Variants in CILK1 observed in about 807,000 individuals in gnomAD.
CILK1 encodes the protein ciliogenesis associated kinase 1.
CILK1 carries 47 observed loss-of-function variants against 79.2 expected under a neutral mutation model. The observed-to-expected ratio is 0.59, with a 90% CI of 0.47 to 0.76. CILK1 has a LOEUF of 0.76. CILK1 is among the 30% of genes least tolerant of loss of function. The pLI is 0.00. For synonymous variants in CILK1, 266 were observed against 275.9 expected (o/e 0.96, Z 0.36); for missense variants, 660 against 769.5 (o/e 0.86, Z 1.68).
At chr6:53,047,259 C>T (rs920053288) in intron 1 of CILK1, among the ~76,000 whole-genome samples, 17 of 151,802 alleles carry the variant, frequency 1.1e-4, no homozygotes, top group Admixed American at 6.6e-5. Context: ...TAGGGTGGGC[C>T]CAATTATGAA....
intron 1 of CILK1, among the ~76,000 whole-genome samples, chr6:53,056,863 C>G (rs1767918084): frequency 6.6e-6 from 1 of 152,202 alleles, no homozygotes; most frequent in Non-Finnish European, 1.5e-5. Context: ...TCCCGTCACG[C>G]CCCACTTCTT....
At chr6:53,025,776 G>C (rs1388062611) in intron 5 of CILK1, among the ~76,000 whole-genome samples, 1 of 152,168 alleles carries the variant, frequency 6.6e-6, no homozygotes, top group Non-Finnish European at 1.5e-5. Flanking sequence ...TAACAAATTT[G>C]TGAATATATC....
intron 1 of CILK1, among the ~76,000 whole-genome samples, chr6:53,046,947 G>A (rs1767117664): frequency 6.6e-6 from 1 of 152,212 alleles, no homozygotes; most frequent in Non-Finnish European, 1.5e-5. Flanking sequence ...AGGAGAGAAA[G>A]AAATTATAAG....
At chr6:53,052,600 G>A (rs1767558764) in intron 1 of CILK1, among the ~76,000 whole-genome samples, 1 of 151,940 alleles carries the variant, frequency 6.6e-6, no homozygotes, top group South Asian at 2.1e-4. Context: ...GCGTGGTGGT[G>A]TATGCCTGTA....
At chr6:53,025,110 G>A (rs1049873298) in intron 5 of CILK1, among the ~76,000 whole-genome samples, 6 of 152,160 alleles carry the variant, frequency 3.9e-5, no homozygotes, top group Non-Finnish European at 8.8e-5. Context: ...TAGGATTACA[G>A]GCGTGAGCCA....
At chr6:53,006,649 G>A (rs1382323784) in intron 12 of CILK1, among the ~76,000 whole-genome samples, 1 of 152,228 alleles carries the variant, frequency 6.6e-6, no homozygotes, top group Non-Finnish European at 1.5e-5. Context: ...CTGCTCCTGT[G>A]AGGGGCAACC....
chr6:53,049,826 T>G (rs1382306139), intron 1 of CILK1, among the ~76,000 whole-genome samples: 1 of 152,084 alleles, frequency 6.6e-6, no homozygotes, highest in Non-Finnish European at 1.5e-5. Flanking sequence ...GCTCAGACAA[T>G]CCTCCCACCT....
At chr6:53,041,931 A>G (rs1161740252) in intron 1 of CILK1, among the ~76,000 whole-genome samples, 1 of 152,022 alleles carries the variant, frequency 6.6e-6, no homozygotes, top group Non-Finnish European at 1.5e-5. Context: ...TCTTTCTTAA[A>G]TGTATTTATA....
rs765703312 is a variant in CILK1 at position 53,041,229 on chromosome 6, C to G, written c.8G>C (p.Arg3Thr). The G allele has an allele frequency of 1.9e-6, 3 of 1,612,770 alleles. No individual in the cohort carries two copies. The South Asian group carries it at 3.3e-5, about 18-fold the overall frequency. ...CCCGAGCTGCCTGATTGTTGTGTAT[C>G]TATTCATGGTGTGCCTGCTCAGGCC... MNRYTTIRQLGDG... is the reference protein window; with the variant it reads MNTYTTIRQLGDG... The change falls in exon 2 of 14, where the codon AGA (arginine) becomes ACA (threonine). Residue 3 changes from arginine (R) to threonine (T), a missense_variant. Coordinates refer to ENST00000676107, the MANE Select transcript of CILK1 (RefSeq NM_014920.5).
chr6:53,047,929 C>T (rs991787156), intron 1 of CILK1, among the ~76,000 whole-genome samples: 1 of 151,790 alleles, frequency 6.6e-6, no homozygotes, highest in Admixed American at 6.6e-5. Flanking sequence ...ATGTACAAAA[C>T]CTCTCACTGG....
At chr6:53,005,356 A>G in intron 13 of CILK1, 53 bp from the exon 14 acceptor site, 1 of 1,593,758 alleles carries the variant, frequency 6.3e-7, no homozygotes, top group Non-Finnish European at 8.6e-7. Context: ...ATGTAAGCAA[A>G]GTACAAATAA....
At position 53,037,527 on chromosome 6, in the gene CILK1, C is replaced by T. The variant is rs556084706; in HGVS notation, c.156+412G>A. On this transcript the variant is annotated intron_variant, in intron 3 of 13. Transcript: ENST00000676107. ...GTAAGTCTGTGTGAGGCTCAACAAGCGCAAGGGTGTGGGGGTCAATGAATT... is the reference window on the plus strand; with the variant it reads ...GTAAGTCTGTGTGAGGCTCAACAAGTGCAAGGGTGTGGGGGTCAATGAATT... Among the ~76,000 whole-genome samples the T allele has an allele frequency of 2.6e-4, 40 of 152,126 alleles. No homozygotes were observed. In the East Asian group the frequency reaches 6.6e-3, roughly 25 times the overall value.
chr6:53,006,554 G>A (rs1764233612), intron 12 of CILK1, 117 bp from the exon 13 acceptor site: 2 of 1,157,768 alleles, frequency 1.7e-6, no homozygotes, highest in East Asian at 2.6e-5. Flanking sequence ...TTAGGGAAAA[G>A]AGCAAATCAT....
intron 1 of CILK1, among the ~76,000 whole-genome samples, chr6:53,042,229 G>C (rs558549561): frequency 7.9e-5 from 12 of 152,280 alleles, no homozygotes; most frequent in African/African-American, 2.6e-4. Flanking sequence ...TATACAACTA[G>C]AGATATTATG....
At position 53,004,876 on chromosome 6, in the gene CILK1, T is replaced by G. The variant is rs1455704229; in HGVS notation, c.*273A>C. On this transcript the variant is annotated 3_prime_UTR_variant, in exon 14 of 14. Transcript: ENST00000676107. ...GTTGACTGTATAAAATGCTAAAACATAATCCATATATACAAAATGCTGTTG... is the reference window on the plus strand; with the variant it reads ...GTTGACTGTATAAAATGCTAAAACAGAATCCATATATACAAAATGCTGTTG... The G allele has an allele frequency of 9.0e-6, 3 of 332,382 alleles. No homozygotes were observed. In the Admixed American group the frequency reaches 1.3e-4, roughly 15 times the overall value. 20.6% of individuals were successfully genotyped at this position (332,382 alleles called of 1,614,324 possible). A position where few individuals can be genotyped will look rare whatever the true frequency, so the allele number is the denominator to read the frequency against.
At chr6:53,046,591 G>A (rs1767092303) in intron 1 of CILK1, among the ~76,000 whole-genome samples, 1 of 152,156 alleles carries the variant, frequency 6.6e-6, no homozygotes, top group African/African-American at 2.4e-5. Flanking sequence ...ACCATACCAT[G>A]GCAGTTACTT....
rs114819880 is a variant in CILK1 at position 53,053,227 on chromosome 6, T to C, written c.-173+8369A>G. Among the ~76,000 whole-genome samples the C allele has an allele frequency of 6.5e-3, 992 of 152,306 alleles. 3 individuals are homozygous for C. Among genetic ancestry groups the C allele is most frequent in the Middle Eastern group, 0.01 (3 of 294 alleles). On this transcript the variant is annotated intron_variant, in intron 1 of 13. Coordinates refer to ENST00000676107, the MANE Select transcript of CILK1 (RefSeq NM_014920.5). ...TAAATTCAGCTTCTGGTACAGATAGTTAACACTGCTTGAGAAGTGAATGGA... is the reference window on the plus strand; with the variant it reads ...TAAATTCAGCTTCTGGTACAGATAGCTAACACTGCTTGAGAAGTGAATGGA...
intron 5 of CILK1, among the ~76,000 whole-genome samples, chr6:53,028,215 C>T (rs1381703202): frequency 6.6e-6 from 1 of 151,696 alleles, no homozygotes; most frequent in African/African-American, 2.4e-5. Context: ...ACTCAGGTGG[C>T]CGAGGCATGA....
chr6:53,019,488 G>T, intron 5 of CILK1, 129 bp from the exon 6 acceptor site: 1 of 919,808 alleles, frequency 1.1e-6, no homozygotes, highest in Non-Finnish European at 1.7e-6. Flanking sequence ...AAGGCTTTAT[G>T]CATTCATCCC....
Sources: allele counts gnomAD v4.1 joint callset (sites outside exome capture counted in the v4.1 genomes callset), GRCh38; gene constraint gnomAD v4.1.1; transcripts MANE v1.5; gene names NCBI Gene and HGNC (gene_info 2026-07-23, HGNC 2026-07-21).